The following SPPL3 variants were observed in gnomAD, a reference collection of about 807,000 sequenced individuals.
The protein encoded by SPPL3 is signal peptide peptidase-like 3.
A neutral mutation model predicts 42.4 loss-of-function variants in SPPL3; 5 were observed. The ratio of observed to expected loss-of-function variants is 0.12; its 90% CI spans 0.06 to 0.25. The LOEUF (loss-of-function observed/expected upper bound fraction) is 0.25, where lower values mean the gene tolerates loss of function less well. SPPL3 is among the 10% of genes least tolerant of loss of function. SPPL3 has a pLI of 1.00. For missense variants in SPPL3, 235 were observed against 489.0 expected, an observed-to-expected ratio of 0.48 and a Z score of 4.90; for synonymous variants, 195 against 181.8, an observed-to-expected ratio of 1.07 and a Z score of -0.58.
intron 2 of SPPL3, among the ~76,000 whole-genome samples, chr12:120,807,684 A>G (rs1011982341): frequency 6.6e-6 from 1 of 152,052 alleles, no homozygotes; most frequent in Non-Finnish European, 1.5e-5. Context: ...CAAAAAAAAA[A>G]AAAGAAAAAA....
At chr12:120,875,488 G>C (rs537746795) in intron 1 of SPPL3, among the ~76,000 whole-genome samples, 3 of 152,108 alleles carry the variant, frequency 2.0e-5, no homozygotes, top group Admixed American at 6.5e-5. Context: ...AATTAGCCAA[G>C]CATGGTGGCG....
At chr12:120,867,407 C>T (rs1872786929) in intron 1 of SPPL3, among the ~76,000 whole-genome samples, 1 of 152,162 alleles carries the variant, frequency 6.6e-6, no homozygotes, top group Non-Finnish European at 1.5e-5. Context: ...TGGCTCACGC[C>T]TGTAATCCCA....
At chr12:120,843,226 A>T (rs1165940435) in intron 1 of SPPL3, among the ~76,000 whole-genome samples, 2 of 152,206 alleles carry the variant, frequency 1.3e-5, no homozygotes, top group Non-Finnish European at 2.9e-5. Flanking sequence ...TTAGATAAAA[A>T]GTACGTTTGC....
At chr12:120,855,633 G>A (rs917944763) in intron 1 of SPPL3, among the ~76,000 whole-genome samples, 1 of 151,758 alleles carries the variant, frequency 6.6e-6, no homozygotes, top group African/African-American at 2.4e-5. Context: ...GTTACAGTGA[G>A]CTGAGATCGT....
rs1450579975 is a variant in SPPL3, at chr12:120,764,830, A to G, written c.*169T>C. The G allele has an allele frequency of 1.4e-6, 1 of 694,656 alleles. No individual in the cohort carries two copies. The highest frequency in any genetic ancestry group is 2.9e-5 in the East Asian group (1 of 34,848). 43.0% of individuals were successfully genotyped at this position (694,656 alleles called of 1,614,324 possible). A position where few individuals can be genotyped will look rare whatever the true frequency, so the allele number is the denominator to read the frequency against. On this transcript the variant is annotated 3_prime_UTR_variant, in exon 11 of 11. Coordinates refer to ENST00000353487, the MANE Select transcript of SPPL3 (RefSeq NM_139015.5). ...AAGAGAAGGAACCAAACAGGGCTCC[A>G]GCACCTCTCTCCTGCAAACGAGCTC...
intron 1 of SPPL3, among the ~76,000 whole-genome samples, chr12:120,819,527 C>T (rs1870984726): frequency 6.6e-6 from 1 of 152,150 alleles, no homozygotes; most frequent in Admixed American, 6.5e-5. Context: ...GTGACAGGCT[C>T]ACTTGATTCG....
intron 1 of SPPL3, among the ~76,000 whole-genome samples, chr12:120,886,354 A>T (rs1873461744): frequency 6.6e-6 from 1 of 152,186 alleles, no homozygotes; most frequent in African/African-American, 2.4e-5. Context: ...ACTATAGCAG[A>T]GCCCCAAAAG....
chr12:120,781,118 T>C (rs1046951468), intron 6 of SPPL3, among the ~76,000 whole-genome samples: 10 of 152,170 alleles, frequency 6.6e-5, no homozygotes, highest in South Asian at 2.1e-4. Flanking sequence ...TTAAAAGAGA[T>C]GATCCATGTA....
intron 1 of SPPL3, among the ~76,000 whole-genome samples, chr12:120,896,238 AC>A (rs2137070505): frequency 6.6e-6 from 1 of 152,268 alleles, no homozygotes; most frequent in Admixed American, 6.5e-5. Context: ...TAGGAGCTCA[AC>A]CTAGTCGTTC....
At chr12:120,873,059 G>A (rs1036100965) in intron 1 of SPPL3, among the ~76,000 whole-genome samples, 3 of 152,142 alleles carry the variant, frequency 2.0e-5, no homozygotes. Flanking sequence ...AGAACACAAG[G>A]ACGTTAAAAC....
intron 1 of SPPL3, among the ~76,000 whole-genome samples, chr12:120,858,604 G>A (rs1273205191): frequency 3.3e-5 from 5 of 152,010 alleles, no homozygotes; most frequent in African/African-American, 4.8e-5. Context: ...AACAACCAAC[G>A]GGTAACAGAT....
At chr12:120,902,245 C>A (rs1874004944) in intron 1 of SPPL3, among the ~76,000 whole-genome samples, 1 of 136,166 alleles carries the variant, frequency 7.3e-6, no homozygotes, top group Admixed American at 7.2e-5. Context: ...TCTCAGTTAC[C>A]TTCTTCTTGA....
intron 1 of SPPL3, among the ~76,000 whole-genome samples, chr12:120,886,733 A>G (rs1593012012): frequency 6.6e-6 from 1 of 152,288 alleles, no homozygotes; most frequent in East Asian, 1.9e-4. Flanking sequence ...AAGAACTAGA[A>G]ATACAGACTG....
chr12:120,886,637 T>C (rs1873467977), intron 1 of SPPL3, among the ~76,000 whole-genome samples: 1 of 152,214 alleles, frequency 6.6e-6, no homozygotes, highest in Non-Finnish European at 1.5e-5. Context: ...ACCAAAAATC[T>C]GAGCTATGAG....
At chr12:120,861,671 T>C (rs1299341263) in intron 1 of SPPL3, among the ~76,000 whole-genome samples, 1 of 152,228 alleles carries the variant, frequency 6.6e-6, no homozygotes, top group Admixed American at 6.5e-5. Context: ...TGACTGATAT[T>C]ACTCAGTATA....
At chr12:120,900,975 G>GGGAA (rs2137074487) in intron 1 of SPPL3, among the ~76,000 whole-genome samples, 1 of 149,986 alleles carries the variant, frequency 6.7e-6, no homozygotes, top group South Asian at 2.1e-4. Context: ...CACAAGCCAA[G>GGGAA]GGAAGAGTGA....
At chr12:120,826,292 CAAAAAAAAA>C (rs11341939) in intron 1 of SPPL3, among the ~76,000 whole-genome samples, 2 of 118,644 alleles carry the variant, frequency 1.7e-5, no homozygotes, top group African/African-American at 6.4e-5. Flanking sequence ...AAACTGTCTC[CAAAAAAAAA>C]AAAAAAAAAA....
chr12:120,765,015 C>T lies in SPPL3; in HGVS notation c.1139G>A (p.Arg380Gln), dbSNP rs1314542418. The change falls in exon 11 of 11, where the codon CGA becomes CAA. Residue 380 changes from arginine to glutamine, a missense_variant. This residue lies in a region of SPPL3 where 38 missense variants were observed against 105.2 expected (regional missense o/e 0.36). Transcript: ENST00000353487. ...EPFHSKSSSS[R>Q]FLEV ...CGTGATCCATCATACTTCCAGGAAT[C>T]GGGAGCTGCTGGACTTGGAGTGGAA... 1.2e-6 allele frequency: 2 copies of T among 1,613,816 alleles called. No individual in the cohort carries two copies. The highest frequency in any genetic ancestry group is 1.7e-6 in the Non-Finnish European group (2 of 1,179,872).
At chr12:120,880,617 C>A (rs1189910758) in intron 1 of SPPL3, among the ~76,000 whole-genome samples, 3 of 151,824 alleles carry the variant, frequency 2.0e-5, no homozygotes. Context: ...TGAAACCCAT[C>A]TCTACTAAAA....
Sources: gnomAD v4.1 joint callset for allele counts (sites outside exome capture counted in the v4.1 genomes callset) on GRCh38, gnomAD v4.1.1 for gene constraint, gnomAD v4.1.1 regional missense constraint, MANE v1.5 for transcripts, NCBI Gene and HGNC (gene_info 2026-07-23, HGNC 2026-07-21) for gene names.